IFRD1: variants seen among roughly 807,000 people sequenced by gnomAD.
The protein encoded by IFRD1 is interferon related developmental regulator 1, also known as interferon-related developmental regulator 1.
A neutral mutation model predicts 52.9 loss-of-function variants in IFRD1; 35 were observed. The ratio of observed to expected loss-of-function variants is 0.66; its 90% CI spans 0.51 to 0.88. IFRD1 has a LOEUF of 0.88. Among genes scored for constraint, IFRD1 ranks in the 40% least tolerant of loss-of-function variants. IFRD1 has a pLI of 0.00. For synonymous variants in IFRD1, 184 were observed against 188.4 expected (o/e 0.98, Z 0.19); for missense variants, 517 against 550.8 (o/e 0.94, Z 0.61).
upstream of IFRD1, chr7:112,450,289 C>G (rs1202885444): frequency 1.4e-5 from 3 of 207,676 alleles, no homozygotes; most frequent in Admixed American, 5.9e-5. Flanking sequence ...TCCCTGGGCG[C>G]GGACGGAAGA....
chr7:112,451,779 G>C (rs77591793), intron 1 of IFRD1, among the ~76,000 whole-genome samples: 151 of 152,282 alleles, frequency 9.9e-4, no homozygotes, highest in African/African-American at 3.6e-3. Flanking sequence ...AATTTAAACA[G>C]GAGTTAAATA....
In IFRD1 at chr7:112,445,106, A is replaced by G. The variant is rs368981645; in HGVS notation, c.-181-5402A>G. ...TTTTGAAACAGGGTCTCGCTCTGTC[A>G]CCCAGGCTGGAGTGCAGTGGCGCAA... On this transcript the variant is annotated intron_variant, in intron 1 of 12. Transcript: ENST00000005558. Among the ~76,000 whole-genome samples the G allele has an allele frequency of 8.8e-3, 1,126 of 128,364 alleles. 8 individuals carry two copies. Among genetic ancestry groups the G allele is most frequent in the Middle Eastern group, 0.021 (5 of 234 alleles). 84.2% of individuals were successfully genotyped at this position (128,364 alleles called of 152,430 possible).
intron 1 of IFRD1, chr7:112,437,342 G>A (rs538080746): frequency 1.9e-5 from 3 of 154,782 alleles, no homozygotes; most frequent in African/African-American, 7.2e-5. Flanking sequence ...TCAAAGCCTA[G>A]TAAAGAAAAA....
In IFRD1 at chr7:112,450,590, C is replaced by T; in HGVS notation, c.-99C>T. On this transcript the variant is annotated 5_prime_UTR_variant, in exon 1 of 12. Coordinates refer to ENST00000403825, the MANE Select transcript of IFRD1 (RefSeq NM_001550.4). ...ACTCTGTTGTTAGCCGAAGACTCGC[C>T]TCTCAGCCGCCCGCCGCACAGACGC... 2 of 947,676 alleles carry T rather than the reference C, an allele frequency of 2.1e-6. No individual in the cohort carries two copies. The highest frequency in any genetic ancestry group is 3.4e-6 in the Non-Finnish European group (2 of 587,026). The allele number at this position is 947,676 out of a possible 1,614,324, so 58.7% of individuals were successfully genotyped here.
chr7:112,436,699 A>G (rs892153656), intron 1 of IFRD1, among the ~76,000 whole-genome samples: 39 of 152,196 alleles, frequency 2.6e-4, no homozygotes, highest in Non-Finnish European at 2.2e-4. Context: ...AAATCAGGCA[A>G]TGCAAATATT....
intron 1 of IFRD1, among the ~76,000 whole-genome samples, chr7:112,438,154 T>A (rs768419168): frequency 7.9e-5 from 12 of 152,190 alleles, no homozygotes; most frequent in African/African-American, 1.2e-4. Flanking sequence ...TTGAATGTCA[T>A]CTTTGAAGAG....
intron 5 of IFRD1, among the ~76,000 whole-genome samples, chr7:112,459,965 T>C (rs1795391402): frequency 6.6e-6 from 1 of 152,250 alleles, no homozygotes; most frequent in African/African-American, 2.4e-5. Context: ...AATATTTAAT[T>C]AGCTTTTGCT....
chr7:112,475,271 T>C (rs1795871033), intron 11 of IFRD1, among the ~76,000 whole-genome samples, 159 bp from the exon 12 acceptor site: 1 of 152,192 alleles, frequency 6.6e-6, no homozygotes, highest in Non-Finnish European at 1.5e-5. Flanking sequence ...GTTAACTCTT[T>C]GTTTTTCTCC....
upstream of IFRD1, chr7:112,450,384 A>C: frequency 2.3e-6 from 1 of 431,430 alleles, no homozygotes; most frequent in Non-Finnish European, 4.3e-6. Context: ...TTGGTTGGGA[A>C]GCGCTCAAGC....
At chr7:112,459,170 T>C (rs1437464695) in intron 5 of IFRD1, 152 bp downstream of exon 5, 1 of 692,458 alleles carries the variant, frequency 1.4e-6, no homozygotes, top group Non-Finnish European at 2.6e-6. Context: ...GCTATAATCA[T>C]GCCACTGAAC....
chr7:112,455,913 AG>A, intron 2 of IFRD1, 46 bp downstream of exon 2: 1 of 1,478,014 alleles, frequency 6.8e-7, no homozygotes, highest in Admixed American at 1.7e-5. Flanking sequence ...AAAATGTTTC[AG>A]GTGGAGGAAT....
chr7:112,437,640 A>G (rs1178169911), intron 1 of IFRD1, among the ~76,000 whole-genome samples: 1 of 151,688 alleles, frequency 6.6e-6, no homozygotes, highest in Non-Finnish European at 1.5e-5. Context: ...ACTAAGGGCT[A>G]TGCTACTTCC....
chr7:112,446,027 A>G (rs1795022670), upstream of IFRD1: 2 of 152,052 alleles, frequency 1.3e-5, 1 homozygote, highest in Admixed American at 1.3e-4. Flanking sequence ...GTGACCGAGG[A>G]TCAGTAACTT....
intron 1 of IFRD1, among the ~76,000 whole-genome samples, chr7:112,440,068 C>T (rs1256165579): frequency 6.6e-6 from 1 of 152,132 alleles, no homozygotes; most frequent in Non-Finnish European, 1.5e-5. Context: ...TCACTGCAAC[C>T]TCTGCCTCCT....
At chr7:112,451,816 C>T (rs11973377) in intron 1 of IFRD1, among the ~76,000 whole-genome samples, 1 of 152,130 alleles carries the variant, frequency 6.6e-6, no homozygotes, top group Admixed American at 6.5e-5. Context: ...CGTTATCACA[C>T]TGGAACTATT....
At chr7:112,431,925 C>T (rs906995909) in intron 1 of IFRD1, among the ~76,000 whole-genome samples, 4 of 152,170 alleles carry the variant, frequency 2.6e-5, no homozygotes, top group Admixed American at 1.3e-4. Context: ...TCCATTTTGG[C>T]GTCATCTACA....
At chr7:112,441,312 C>T (rs955089094) in intron 1 of IFRD1, among the ~76,000 whole-genome samples, 7 of 146,926 alleles carry the variant, frequency 4.8e-5, no homozygotes, top group Non-Finnish European at 9.2e-5. Context: ...AAAAATTAGC[C>T]GAGCATGGTG....
intron 8 of IFRD1, among the ~76,000 whole-genome samples, chr7:112,466,741 CAT>C (rs1173955800): frequency 7.9e-5 from 12 of 152,104 alleles, no homozygotes; most frequent in Admixed American, 7.2e-4. Context: ...TATATACACA[CAT>C]ATATATGTTT....
intron 5 of IFRD1, among the ~76,000 whole-genome samples, chr7:112,460,228 A>G (rs1168774002): frequency 1.4e-5 from 2 of 141,976 alleles, no homozygotes; most frequent in African/African-American, 5.2e-5. Flanking sequence ...TATTAAATTG[A>G]GGCAGTCCTA....
Sources: allele counts gnomAD v4.1 joint callset (sites outside exome capture counted in the v4.1 genomes callset), GRCh38; gene constraint gnomAD v4.1.1; transcripts MANE v1.5; gene names NCBI Gene and HGNC (gene_info 2026-07-23, HGNC 2026-07-21).